The following WDHD1 variants were observed in gnomAD, a reference collection of about 807,000 sequenced individuals.
WDHD1 encodes WD repeat and HMG-box DNA binding protein 1.
In WDHD1, 111 loss-of-function variants were observed where a neutral mutation model predicts 135.4. The ratio of observed to expected loss-of-function variants is 0.82; its 90% confidence interval spans 0.70 to 0.96. WDHD1 has a LOEUF of 0.96. WDHD1 is among the 40% of genes least tolerant of loss of function. The probability of loss-of-function intolerance (pLI) is 0.00; values close to 1 mark genes in which losing one functional copy is unlikely to be tolerated. For missense variants in WDHD1, 1,351 were observed against 1,336.3 expected (o/e 1.01, Z -0.17); for synonymous variants, 434 against 439.0 (o/e 0.99, Z 0.14).
intron 6 of WDHD1, among the ~76,000 whole-genome samples, chr14:55,007,717 T>C (rs2042096231): frequency 6.6e-6 from 1 of 152,192 alleles, no homozygotes; most frequent in African/African-American, 2.4e-5. Flanking sequence ...AATGTTAAAG[T>C]GTCAAAGTCG....
intron 21 of WDHD1, among the ~76,000 whole-genome samples, chr14:54,961,685 A>T (rs1035048053): frequency 1.3e-5 from 2 of 152,070 alleles, no homozygotes; most frequent in African/African-American, 4.8e-5. Flanking sequence ...TTTTTAAGTT[A>T]ATTTTTTTAA....
At chr14:54,960,137 C>G (rs914022814) in intron 21 of WDHD1, among the ~76,000 whole-genome samples, 1 of 152,136 alleles carries the variant, frequency 6.6e-6, no homozygotes, top group Non-Finnish European at 1.5e-5. Flanking sequence ...GGCCCTTATT[C>G]AATCTCATTT....
Position 54,957,064 on chromosome 14 carries a change from C to G in WDHD1, c.2886G>C (p.Lys962Asn), listed in dbSNP as rs368088426. The change falls in exon 23 of 26, where the codon AAG (lysine) becomes AAC (asparagine). Residue 962 changes from lysine (K) to asparagine (N), a missense_variant. By Grantham distance (94) the Lys-to-Asn change is moderately conservative. Around this residue, in one of 2 missense-constraint regions of WDHD1, gnomAD observed 1,330 missense variants for 1,296.1 expected, o/e 1.03. Transcript: ENST00000360586. ...TAGGCTTCGGCTTTGGAATCAGAGG[C>G]TTTATAATGGGAGACTTTTCATTAT... ...TTNNEKSPIIKPLIPKPKPKQ... is the reference protein window; with the variant it reads ...TTNNEKSPIINPLIPKPKPKQ... 2.5e-6 allele frequency: 4 copies of G among 1,613,890 alleles called. No individual in the cohort carries two copies. Among genetic ancestry groups the G allele is most frequent in the Non-Finnish European group, 2.5e-6 (3 of 1,179,968 alleles).
intron 16 of WDHD1, among the ~76,000 whole-genome samples, chr14:54,968,328 A>G (rs1250518286): frequency 6.6e-6 from 1 of 152,218 alleles, no homozygotes; most frequent in African/African-American, 2.4e-5. Context: ...GAAAACAGAC[A>G]CAACATATCA....
At chr14:55,025,390 G>T (rs973586088) in intron 2 of WDHD1, among the ~76,000 whole-genome samples, 1 of 151,524 alleles carries the variant, frequency 6.6e-6, no homozygotes, top group South Asian at 2.1e-4. Context: ...CTGGTTCCCC[G>T]GGTCCCCTTA....
chr14:55,021,058 G>A (rs1290710740), intron 2 of WDHD1, among the ~76,000 whole-genome samples: 1 of 152,052 alleles, frequency 6.6e-6, no homozygotes, highest in Non-Finnish European at 1.5e-5. Flanking sequence ...TAGAGGAGGA[G>A]GCAGGAGAGG....
intron 21 of WDHD1, among the ~76,000 whole-genome samples, chr14:54,960,660 C>T (rs11158029): frequency 0.31 from 47,143 of 151,274 alleles, 7,468 homozygotes; most frequent in African/African-American, 0.37. Context: ...CCACCATGCC[C>T]GGCTAATTTT....
chr14:54,958,591 A>T (rs183483233), intron 21 of WDHD1, among the ~76,000 whole-genome samples: 93 of 152,316 alleles, frequency 6.1e-4, no homozygotes, highest in Non-Finnish European at 1.1e-3. Context: ...GATACCTTTC[A>T]GTCACCTTGT....
At chr14:54,983,933 T>A (rs965760813) in intron 15 of WDHD1, among the ~76,000 whole-genome samples, 8 of 152,178 alleles carry the variant, frequency 5.3e-5, no homozygotes, top group African/African-American at 1.9e-4. Flanking sequence ...CATAAAAAAA[T>A]TGATTTTTAT....
chr14:54,963,050 T>G lies in WDHD1; in HGVS notation c.2433A>C (p.Lys811Asn). ...CCTTCTCTACAGCCAGTTCACTTAG[T>G]TTTTGAGCCAGTATTAATTTCCGAG... is the stretch of plus-strand genomic sequence containing the variant. The part of the protein sequence containing the change: ...SRSRKLILAQ[K>N]LSELAVEKAA... The change falls in exon 19 of 26, where the codon AAA becomes AAC. Residue 811 changes from lysine (K) to asparagine (N), a missense_variant. This residue lies in a region of WDHD1 where 1,330 missense variants were observed against 1,296.1 expected (regional missense o/e 1.03). Coordinates refer to ENST00000360586, the MANE Select transcript of WDHD1 (RefSeq NM_007086.4). 6.2e-7 allele frequency: 1 copy of G among 1,614,024 alleles called. No individual in the cohort carries two copies. The highest frequency in any genetic ancestry group is 8.5e-7 in the Non-Finnish European group (1 of 1,180,024).
intron 2 of WDHD1, among the ~76,000 whole-genome samples, chr14:55,016,153 C>T (rs185226830): frequency 7.2e-5 from 11 of 152,240 alleles, no homozygotes; most frequent in African/African-American, 1.9e-4. Flanking sequence ...TTCTAAAGAG[C>T]TTTTAGAGTA....
intron 7 of WDHD1, among the ~76,000 whole-genome samples, chr14:55,003,587 C>CTATATATATATATATA (rs140023951): frequency 1.4e-4 from 20 of 143,750 alleles, no homozygotes; most frequent in African/African-American, 5.2e-4. Flanking sequence ...GAAAAACGAA[C>CTATATATATATATATA]TATATATATA....
At position 54,963,087 on chromosome 14, in the gene WDHD1, T is replaced by C. The variant is rs2041280547; in HGVS notation, c.2396A>G (p.Tyr799Cys). 1 of 1,586,770 alleles carries C rather than the reference T, an allele frequency of 6.3e-7. No homozygotes were observed. The highest frequency in any genetic ancestry group is 1.4e-5 in the African/African-American group (1 of 72,714). ...TATTAATTTCCGAGAGCGAGAAGCA[T>C]ATTTAATGGCTAAATTCACAGCATT... ...TQNAVNLAIK[Y>C]ASRSRKLILA... Residue 799 changes from tyrosine to cysteine, a missense_variant, in exon 19 of 26, where the codon TAT (tyrosine) becomes TGT (cysteine). Tyr to Cys is a radical substitution (Grantham distance 194). This residue lies in a region of WDHD1 where 1,330 missense variants were observed against 1,296.1 expected (regional missense o/e 1.03). Transcript: ENST00000360586.
intron 16 of WDHD1, among the ~76,000 whole-genome samples, chr14:54,974,505 T>G (rs984986393): frequency 7.9e-5 from 12 of 151,024 alleles, no homozygotes; most frequent in South Asian, 2.1e-4. Context: ...TTTTTTTTTT[T>G]TTGTTATATT....
chr14:54,985,405 A>T (rs1337850867), intron 14 of WDHD1, among the ~76,000 whole-genome samples: 1 of 152,174 alleles, frequency 6.6e-6, no homozygotes, highest in Non-Finnish European at 1.5e-5. Flanking sequence ...GCTAATGCAA[A>T]GTCCTAAGGT....
chr14:54,948,768 C>T, intron 24 of WDHD1, among the ~76,000 whole-genome samples: 1 of 152,218 alleles, frequency 6.6e-6, no homozygotes, highest in East Asian at 1.9e-4. Flanking sequence ...TAGGGGCAGA[C>T]TGACACCTCA....
At position 54,984,797 on chromosome 14, in the gene WDHD1, T is replaced by A; in HGVS notation, c.1832A>T (p.Lys611Ile). 1 of 1,613,992 alleles carries A rather than the reference T, an allele frequency of 6.2e-7. No individual in the cohort carries two copies. Among genetic ancestry groups the A allele is most frequent in the Non-Finnish European group, 8.5e-7 (1 of 1,179,946 alleles). ...AAGAGGGTCACCATGCAAAATTTGT[T>A]TTTTCTTTTTCCCCAGCTCTAGCAG... ...VQLLELGKKK[K>I]QILHGDPLPL... Residue 611 changes from lysine to isoleucine, a missense_variant, in exon 15 of 26, where the codon AAA becomes ATA. By Grantham distance (102) the Lys-to-Ile change is moderately radical. Coordinates refer to ENST00000360586, the MANE Select transcript of WDHD1 (RefSeq NM_007086.4).
At chr14:55,002,277 C>T (rs1566736881) in intron 7 of WDHD1, 92 bp from the exon 8 acceptor site, 6 of 903,346 alleles carry the variant, frequency 6.6e-6, no homozygotes, top group Non-Finnish European at 8.5e-6. Flanking sequence ...GATATATTTA[C>T]AAGACATAAA....
chr14:54,950,391 CA>C (rs1379651308), intron 24 of WDHD1, among the ~76,000 whole-genome samples: 1 of 151,908 alleles, frequency 6.6e-6, no homozygotes, highest in Non-Finnish European at 1.5e-5. Flanking sequence ...TCAAAAGAGA[CA>C]AAGAAGGCCA....
Sources: gnomAD v4.1 joint callset for allele counts (sites outside exome capture counted in the v4.1 genomes callset) on GRCh38, gnomAD v4.1.1 for gene constraint, gnomAD v4.1.1 regional missense constraint, MANE v1.5 for transcripts, NCBI Gene and HGNC (gene_info 2026-07-23, HGNC 2026-07-21) for gene names.